PPP1CC: variants seen among roughly 807,000 people sequenced by gnomAD.
PPP1CC encodes the protein serine/threonine-protein phosphatase PP1-gamma catalytic subunit.
A neutral mutation model predicts 38.4 loss-of-function variants in PPP1CC; 16 were observed. The ratio of observed to expected loss-of-function variants is 0.42; its 90% confidence interval spans 0.28 to 0.63. The LOEUF (loss-of-function observed/expected upper bound fraction) is 0.63, where lower values mean the gene tolerates loss of function less well. Ranked by LOEUF, PPP1CC falls within the 30% of genes least tolerant of loss-of-function variation. The probability of loss-of-function intolerance (pLI) is 0.25; values close to 1 mark genes in which losing one functional copy is unlikely to be tolerated. For missense variants in PPP1CC, 170 were observed against 391.3 expected (o/e 0.43, Z 4.77); for synonymous variants, 158 against 136.0 (o/e 1.16, Z -1.13).
the PPP1CC span, among the ~76,000 whole-genome samples, chr12:110,710,035 T>C: frequency 6.6e-6 from 1 of 150,930 alleles, no homozygotes; most frequent in Non-Finnish European, 1.5e-5. Flanking sequence ...AAATTAAAAA[T>C]TCAGTGCATG....
At position 110,724,701 on chromosome 12, in the gene PPP1CC, A is replaced by G. The variant is rs1414899590; in HGVS notation, c.482T>C (p.Ile161Thr). Residue 161 changes from isoleucine (I) to threonine (T), a missense_variant, in exon 4 of 7, where the codon ATA becomes ACA. Ile to Thr is a moderately conservative substitution (Grantham distance 89). Coordinates refer to ENST00000335007, the MANE Select transcript of PPP1CC (RefSeq NM_002710.4). Reference protein sequence around the residue: ...TFTDCFNCLPIAAIVDEKIFC... With the variant: ...TFTDCFNCLPTAAIVDEKIFC... ...TATCTTCTCATCCACGATGGCTGCT[A>G]TCGGTAAACAGTTAAAACAGTCTGT... 1.2e-6 allele frequency: 2 copies of G among 1,613,520 alleles called. No individual in the cohort carries two copies. Among genetic ancestry groups the G allele is most frequent in the South Asian group, 1.1e-5 (1 of 91,068 alleles).
In PPP1CC at chr12:110,720,860, A is replaced by G. The variant is rs2069730433; in HGVS notation, c.*216T>C. 2.3e-6 allele frequency: 1 copy of G among 440,192 alleles called. No individual in the cohort carries two copies. The highest frequency in any genetic ancestry group is 4.1e-6 in the Non-Finnish European group (1 of 243,350). The allele number at this position is 440,192 out of a possible 1,614,324, so 27.3% of individuals were successfully genotyped here. On this transcript the variant is annotated 3_prime_UTR_variant, in exon 7 of 7. Transcript: ENST00000335007. Reference sequence around the variant, plus strand: ...TTAAAATTGTTTGCAAAAGGAACAGAGAATTAAAAAACAAAACACTTTTCT... The same window carrying G: ...TTAAAATTGTTTGCAAAAGGAACAGGGAATTAAAAAACAAAACACTTTTCT...
downstream of PPP1CC, among the ~76,000 whole-genome samples, chr12:110,718,884 T>C (rs966076976): frequency 6.6e-6 from 1 of 152,062 alleles, no homozygotes; most frequent in African/African-American, 2.4e-5. Context: ...CAAAGATTAA[T>C]CTTGTCTTCT....
chr12:110,727,253 T>TA (rs1950994278), intron 3 of PPP1CC, among the ~76,000 whole-genome samples: 2 of 152,192 alleles, frequency 1.3e-5, no homozygotes, highest in South Asian at 4.1e-4. Context: ...GCCCCGGCTT[T>TA]GATTCTTTAG....
Position 110,722,319 on chromosome 12 carries a change from T to TA in PPP1CC, c.748-51dup, listed in dbSNP as rs2069749192. ...TAAATAGGTGCAAATATTAGGTGAG[T>TA]AAAACCATGTTTCAGTTTCCCATTG... On this transcript the variant is annotated intron_variant, in intron 5 of 6. Transcript: ENST00000335007. The surrounding 1 kb of genome is among the most constrained non-coding windows in gnomAD (Gnocchi z 5.4). The TA allele has an allele frequency of 4.4e-6, 7 of 1,596,626 alleles. No individual in the cohort carries two copies. The South Asian group carries it at 5.6e-5, about 13-fold the overall frequency.
Position 110,720,338 on chromosome 12 carries a change from A to T in PPP1CC, c.*738T>A. On this transcript the variant is annotated 3_prime_UTR_variant, in exon 7 of 7. Coordinates refer to ENST00000335007, the MANE Select transcript of PPP1CC (RefSeq NM_002710.4). ...ATCAAAAACCTGTTTTTGAATCCCC[A>T]AGAAGGCAGCATGTGTATACAACCA... The T allele has an allele frequency of 1.4e-6, 1 of 717,696 alleles. No homozygotes were observed. Among genetic ancestry groups the T allele is most frequent in the Non-Finnish European group, 2.3e-6 (1 of 431,412 alleles). The allele number at this position is 717,696 out of a possible 1,614,324, so 44.5% of individuals were successfully genotyped here.
downstream of PPP1CC, among the ~76,000 whole-genome samples, chr12:110,716,578 C>T (rs528337704): frequency 6.6e-5 from 10 of 152,246 alleles, no homozygotes; most frequent in African/African-American, 1.7e-4. Context: ...GTCTCATACT[C>T]GTGACCTCAA....
chr12:110,713,136 TTTC>T, the PPP1CC span, among the ~76,000 whole-genome samples: 1 of 144,634 alleles, frequency 6.9e-6, no homozygotes, highest in Non-Finnish European at 1.5e-5. Context: ...ACATGTTGAC[TTTC>T]TTTTTTTTTT....
At chr12:110,713,985 G>A in the PPP1CC span, among the ~76,000 whole-genome samples, 1 of 152,082 alleles carries the variant, frequency 6.6e-6, no homozygotes, top group Non-Finnish European at 1.5e-5. Flanking sequence ...TGTAGTTCCA[G>A]CTACTCTGGA....
the PPP1CC span, among the ~76,000 whole-genome samples, chr12:110,709,479 C>T: frequency 2.8e-4 from 43 of 152,170 alleles, no homozygotes; most frequent in African/African-American, 9.4e-4. Context: ...CCACCCACCT[C>T]GAGCTCCCAA....
At chr12:110,721,370 C>T in intron 6 of PPP1CC, 1 of 459,900 alleles carries the variant, frequency 2.2e-6, no homozygotes, top group Non-Finnish European at 3.9e-6. Context: ...AATCTATTAT[C>T]TGGACAAATT....
the PPP1CC span, among the ~76,000 whole-genome samples, chr12:110,711,105 G>A: frequency 6.6e-6 from 1 of 152,036 alleles, no homozygotes; most frequent in Non-Finnish European, 1.5e-5. Flanking sequence ...GAACTCAGGA[G>A]GCGGAGGTTG....
chr12:110,723,061 TGAG>T (rs2069757959), intron 4 of PPP1CC, among the ~76,000 whole-genome samples: 1 of 152,236 alleles, frequency 6.6e-6, no homozygotes, highest in Non-Finnish European at 1.5e-5. Context: ...ATGACTGAGC[TGAG>T]AAGATAAGGA....
the PPP1CC span, among the ~76,000 whole-genome samples, chr12:110,712,635 C>CAAAAA: frequency 2.7e-5 from 1 of 37,666 alleles, no homozygotes; most frequent in Non-Finnish European, 4.4e-5. Context: ...GAAACTGTCT[C>CAAAAA]AAAAAAAAAA....
Position 110,720,140 on chromosome 12 carries a change from G to T in PPP1CC, c.*936C>A. ...CCAAAGAAAGCATAATCGGTCACTC[G>T]TATAGAACAGTATTGTTTCTATAAT... On this transcript the variant is annotated 3_prime_UTR_variant, in exon 7 of 7. Coordinates refer to ENST00000335007, the MANE Select transcript of PPP1CC (RefSeq NM_002710.4). The T allele has an allele frequency of 6.4e-7, 1 of 1,551,204 alleles. No individual in the cohort carries two copies. The highest frequency in any genetic ancestry group is 8.7e-7 in the Non-Finnish European group (1 of 1,153,958).
chr12:110,713,712 A>G, the PPP1CC span, among the ~76,000 whole-genome samples: 3 of 152,134 alleles, frequency 2.0e-5, no homozygotes, highest in Non-Finnish European at 2.9e-5. Flanking sequence ...GAGGCCTCCA[A>G]TATTATTTTG....
Position 110,720,348 on chromosome 12 carries a change from C to T in PPP1CC, c.*728G>A, listed in dbSNP as rs909718397. The T allele has an allele frequency of 1.4e-4, 91 of 665,278 alleles. 1 individual carries two copies. The highest frequency in any genetic ancestry group is 8.5e-4 in the African/African-American group (47 of 55,392). The allele number at this position is 665,278 out of a possible 1,614,324, so 41.2% of individuals were successfully genotyped here. ...TGTTTTTGAATCCCCAAGAAGGCAG[C>T]ATGTGTATACAACCATACCACCTTG... On this transcript the variant is annotated 3_prime_UTR_variant, in exon 7 of 7. Coordinates refer to ENST00000335007, the MANE Select transcript of PPP1CC (RefSeq NM_002710.4).
chr12:110,714,394 C>G, the PPP1CC span, among the ~76,000 whole-genome samples: 2 of 152,024 alleles, frequency 1.3e-5, no homozygotes, highest in African/African-American at 4.8e-5. Flanking sequence ...CTGTGATCCA[C>G]GCTGAATCTG....
intron 6 of PPP1CC, 113 bp from the exon 7 acceptor site, chr12:110,721,278 A>C (rs1298198381): frequency 5.1e-6 from 4 of 784,452 alleles, no homozygotes; most frequent in Non-Finnish European, 8.4e-6. Flanking sequence ...TGCCCCAACA[A>C]CTGTAAAAGC....
Sources: allele counts gnomAD v4.1 joint callset (sites outside exome capture counted in the v4.1 genomes callset), GRCh38; gene constraint gnomAD v4.1.1; non-coding constraint Gnocchi (gnomAD v3.1); transcripts MANE v1.5; gene names NCBI Gene and HGNC (gene_info 2026-07-23, HGNC 2026-07-21).